Variants in THSD7A observed in about 807,000 individuals in gnomAD.
The protein encoded by THSD7A is thrombospondin type 1 domain containing 7A.
Under a neutral mutation model 231.3 loss-of-function variants are expected in THSD7A, and 96 were observed. The ratio of observed to expected loss-of-function variants is 0.41; its 90% CI spans 0.35 to 0.49. THSD7A has a LOEUF of 0.49. Among genes scored for constraint, THSD7A ranks in the 20% least tolerant of loss-of-function variants. THSD7A has a pLI of 0.05. For synonymous variants in THSD7A, 940 were observed against 743.3 expected, an observed-to-expected ratio of 1.26 and a Z score of -4.30; for missense variants, 2,290 against 2,070.2, an observed-to-expected ratio of 1.11 and a Z score of -2.06.
chr7:11,631,404 C>T (rs1368229732), intron 2 of THSD7A, among the ~76,000 whole-genome samples: 1 of 151,800 alleles, frequency 6.6e-6, no homozygotes, highest in African/African-American at 2.4e-5. Flanking sequence ...AATCACATAC[C>T]TTATGTGGTA....
At chr7:11,390,625 G>C (rs147092738) in intron 23 of THSD7A, among the ~76,000 whole-genome samples, 1 of 152,246 alleles carries the variant, frequency 6.6e-6, no homozygotes, top group Non-Finnish European at 1.5e-5. Flanking sequence ...GTCCAGTTTT[G>C]TTCCCTTGCT....
At chr7:11,610,857 C>A (rs1355069246) in intron 2 of THSD7A, among the ~76,000 whole-genome samples, 2 of 152,122 alleles carry the variant, frequency 1.3e-5, no homozygotes, top group Non-Finnish European at 2.9e-5. Flanking sequence ...ATTTTTATCT[C>A]ATTACACTTT....
intron 1 of THSD7A, among the ~76,000 whole-genome samples, chr7:11,664,524 C>G (rs921883215): frequency 6.6e-6 from 1 of 151,904 alleles, no homozygotes; most frequent in African/African-American, 2.4e-5. Flanking sequence ...GATAAGAAAT[C>G]CCACTTGACA....
intron 1 of THSD7A, among the ~76,000 whole-genome samples, chr7:11,731,669 C>A (rs1781740431): frequency 6.6e-6 from 1 of 151,478 alleles, no homozygotes; most frequent in South Asian, 2.1e-4. Flanking sequence ...AAGCAATAAG[C>A]CAGGCAGCAA....
At chr7:11,516,962 G>A (rs1788055451) in intron 6 of THSD7A, among the ~76,000 whole-genome samples, 1 of 152,112 alleles carries the variant, frequency 6.6e-6, no homozygotes, top group Non-Finnish European at 1.5e-5. Flanking sequence ...TGAAATAAAA[G>A]AGAAAATAAT....
chr7:11,551,482 C>A (rs1789623670), intron 4 of THSD7A, among the ~76,000 whole-genome samples: 1 of 152,022 alleles, frequency 6.6e-6, no homozygotes, highest in African/African-American at 2.4e-5. Flanking sequence ...CTATAAGGAA[C>A]TTAAACAAAT....
chr7:11,611,828 A>T (rs1780936139), intron 2 of THSD7A, among the ~76,000 whole-genome samples: 4 of 136,756 alleles, frequency 2.9e-5, no homozygotes, highest in African/African-American at 1.1e-4. Flanking sequence ...ACACACACAC[A>T]CACTATCATC....
chr7:11,707,689 G>C (rs911007720), intron 1 of THSD7A, among the ~76,000 whole-genome samples: 1 of 150,762 alleles, frequency 6.6e-6, no homozygotes, highest in African/African-American at 2.4e-5. Context: ...GCAGCTTCAA[G>C]ACCCAAAGGA....
chr7:11,397,087 C>G (rs763666980), intron 23 of THSD7A, among the ~76,000 whole-genome samples: 30 of 152,166 alleles, frequency 2.0e-4, no homozygotes, highest in Non-Finnish European at 3.8e-4. Flanking sequence ...AACACCCCTT[C>G]ATGCTAAAAA....
intron 4 of THSD7A, among the ~76,000 whole-genome samples, chr7:11,549,595 G>C (rs187790076): frequency 2.0e-5 from 3 of 152,100 alleles, no homozygotes; most frequent in Admixed American, 2.0e-4. Flanking sequence ...ATACTATGTA[G>C]CCATTAAAAG....
In THSD7A at chr7:11,447,239, T is replaced by A; in HGVS notation, c.2791A>T (p.Thr931Ser). ...TCCCAATTATTCTTACCAACAAGAGTGCGCTTTCTGGTCCTAACTGCACCA... is the reference window on the plus strand; with the variant it reads ...TCCCAATTATTCTTACCAACAAGAGAGCGCTTTCTGGTCCTAACTGCACCA... ...DCGAVRTRKR[T>S]LVGKSKKKEK... is the part of the protein sequence containing the mutation. Residue 931 changes from threonine (T) to serine (S), a missense_variant, in exon 12 of 28, where the codon ACT (threonine) becomes TCT (serine). Coordinates refer to ENST00000423059, the MANE Select transcript of THSD7A (RefSeq NM_015204.3). 6.2e-7 allele frequency: 1 copy of A among 1,612,816 alleles called. No homozygotes were observed. Among genetic ancestry groups the A allele is most frequent in the East Asian group, 2.2e-5 (1 of 44,796 alleles).
At chr7:11,794,329 T>C (rs1461866797) in intron 1 of THSD7A, among the ~76,000 whole-genome samples, 2 of 152,006 alleles carry the variant, frequency 1.3e-5, no homozygotes, top group Non-Finnish European at 2.9e-5. Flanking sequence ...TTTCCTTGCA[T>C]AATTTAATTG....
At chr7:11,790,807 C>A (rs1001848693) in intron 1 of THSD7A, among the ~76,000 whole-genome samples, 7 of 151,882 alleles carry the variant, frequency 4.6e-5, no homozygotes, top group African/African-American at 4.8e-5. Flanking sequence ...GCAGACAATT[C>A]TGATAAGATA....
At chr7:11,511,762 A>G (rs1787819054) in intron 6 of THSD7A, among the ~76,000 whole-genome samples, 1 of 152,230 alleles carries the variant, frequency 6.6e-6, no homozygotes, top group African/African-American at 2.4e-5. Flanking sequence ...TCCCTTCCTT[A>G]AACCTTATAC....
intron 6 of THSD7A, among the ~76,000 whole-genome samples, chr7:11,541,085 A>T (rs961896433): frequency 3.3e-5 from 5 of 152,200 alleles, no homozygotes; most frequent in African/African-American, 1.2e-4. Context: ...GACTTTTTTA[A>T]AAAAGTCACT....
At chr7:11,503,393 A>C (rs1298150358) in intron 6 of THSD7A, among the ~76,000 whole-genome samples, 2 of 152,208 alleles carry the variant, frequency 1.3e-5, no homozygotes, top group East Asian at 3.9e-4. Flanking sequence ...TCTTAGACAC[A>C]GGAATGGGCA....
At chr7:11,622,526 C>T (rs1420145937) in intron 2 of THSD7A, among the ~76,000 whole-genome samples, 1 of 152,012 alleles carries the variant, frequency 6.6e-6, no homozygotes, top group Admixed American at 6.6e-5. Context: ...TGACTTTAAT[C>T]CAGGCCATCT....
chr7:11,805,797 T>A (rs1784384691), intron 1 of THSD7A, among the ~76,000 whole-genome samples: 1 of 152,130 alleles, frequency 6.6e-6, no homozygotes, highest in South Asian at 2.1e-4. Context: ...GTTACTTACA[T>A]TCAACATTTA....
chr7:11,808,666 G>C (rs533315038), intron 1 of THSD7A, among the ~76,000 whole-genome samples: 1 of 151,988 alleles, frequency 6.6e-6, no homozygotes, highest in East Asian at 1.9e-4. Context: ...TGTTATGCCC[G>C]GTTTGGTCAT....
Sources: allele counts gnomAD v4.1 joint callset (sites outside exome capture counted in the v4.1 genomes callset), GRCh38; gene constraint gnomAD v4.1.1; transcripts MANE v1.5; gene names NCBI Gene and HGNC (gene_info 2026-07-23, HGNC 2026-07-21).